GNAS: variants seen among roughly 807,000 people sequenced by gnomAD.
GNAS encodes GNAS complex locus, also known as protein ALEX.
GNAS carries 8 observed loss-of-function variants against 54.5 expected under a neutral mutation model. The ratio of observed to expected loss-of-function variants is 0.15; its 90% CI spans 0.09 to 0.26. The LOEUF (loss-of-function observed/expected upper bound fraction) is 0.26, where lower values mean the gene tolerates loss of function less well. Ranked by LOEUF, GNAS falls within the 10% of genes least tolerant of loss-of-function variation. The probability of loss-of-function intolerance (pLI) is 1.00; values close to 1 mark genes in which losing one functional copy is unlikely to be tolerated. For missense variants in GNAS, 170 were observed against 529.8 expected (o/e 0.32, Z 6.67); for synonymous variants, 204 against 191.4 (o/e 1.07, Z -0.54).
chr20:58,861,350 G>A (rs2086773231), intron 1 of GNAS, among the ~76,000 whole-genome samples: 1 of 152,180 alleles, frequency 6.6e-6, no homozygotes, highest in Non-Finnish European at 1.5e-5. Flanking sequence ...CAAGTCAACG[G>A]AGGGAACTAA....
At chr20:58,869,050 G>C (rs571906620) in intron 1 of GNAS, among the ~76,000 whole-genome samples, 5 of 152,272 alleles carry the variant, frequency 3.3e-5, no homozygotes, top group African/African-American at 1.2e-4. Context: ...GGTTTCAGTT[G>C]AGCAATTGAC....
intron 1 of GNAS, among the ~76,000 whole-genome samples, chr20:58,872,030 A>G (rs937497737): frequency 2.0e-5 from 3 of 152,110 alleles, no homozygotes; most frequent in African/African-American, 7.2e-5. Context: ...TCTCCTCCCC[A>G]TCTCACTGCC....
At chr20:58,854,426 A>T in intron 1 of GNAS, 2 of 1,571,156 alleles carry the variant, frequency 1.3e-6, no homozygotes, top group Admixed American at 1.9e-5. Context: ...GGGCAGCCTC[A>T]GCGGATACCG....
intron 6 of GNAS, among the ~76,000 whole-genome samples, chr20:58,907,101 T>C (rs1166557288): frequency 2.0e-5 from 3 of 152,296 alleles, no homozygotes; most frequent in Admixed American, 1.3e-4. Flanking sequence ...GAACTGATTG[T>C]GAAAACCACC....
upstream of GNAS, among the ~76,000 whole-genome samples, chr20:58,891,014 G>C (rs2089185590): frequency 6.6e-6 from 1 of 151,350 alleles, no homozygotes; most frequent in African/African-American, 2.4e-5. Flanking sequence ...GGCCTCGGGG[G>C]CGCCGGGCGA....
rs183205995 is a variant in GNAS, at chr20:58,868,483, A to T, written c.44-27129A>T. Among the ~76,000 whole-genome samples the T allele has an allele frequency of 4.2e-4, 63 of 150,836 alleles. No individual in the cohort carries two copies. In the East Asian group the frequency reaches 8.4e-3, roughly 20 times the overall value. On this transcript the variant is annotated intron_variant, in intron 1 of 12. Transcript: ENST00000306090. ...TTTTTTTTCTGGCCCTGCAATCTTGATTCCCCAGAGTTAGGGTCTGATTTC... is the reference window on the plus strand; with the variant it reads ...TTTTTTTTCTGGCCCTGCAATCTTGTTTCCCCAGAGTTAGGGTCTGATTTC...
In GNAS at chr20:58,891,625, GC is replaced by G; in HGVS notation, c.-99del. The G allele has an allele frequency of 2.1e-6, 2 of 965,454 alleles. No homozygotes were observed. The highest frequency in any genetic ancestry group is 2.4e-6 in the Non-Finnish European group (2 of 820,220). 59.8% of individuals were successfully genotyped at this position (965,454 alleles called of 1,614,324 possible). ...TGCCGAGGAGCCGAGCCCGCGCCCG[GC>G]CCGCCCGCCCGGCGCTGCCCCGGCC... is the stretch of plus-strand genomic sequence containing the variant. On this transcript the variant is annotated 5_prime_UTR_variant, in exon 1 of 13. Coordinates refer to ENST00000371085, the MANE Select transcript of GNAS (RefSeq NM_000516.7).
intron 3 of GNAS, chr20:58,899,427 C>G: frequency 1.9e-6 from 1 of 519,934 alleles, no homozygotes; most frequent in Non-Finnish European, 3.7e-6. Context: ...TTAAAATATG[C>G]AATGCTGCAC....
intron 2 of GNAS, among the ~76,000 whole-genome samples, chr20:58,896,415 G>C (rs1034974456): frequency 7.9e-5 from 12 of 152,036 alleles, no homozygotes; most frequent in Non-Finnish European, 1.3e-4. Flanking sequence ...GTCCTCCCAG[G>C]TATCCTGGTA....
At position 58,910,842 on chromosome 20, in the gene GNAS, C is replaced by A; in HGVS notation, c.*13C>A. On this transcript the variant is annotated 3_prime_UTR_variant, in exon 13 of 13. Transcript: ENST00000371085. This position sits in a 1 kb window ranked among gnomAD's most constrained non-coding sequence, Gnocchi z 5.8. The stretch of plus-strand genomic sequence containing the variant: ...CGAGCTGCTCTAAGAAGGGAACCCC[C>A]AAATTTAATTAAAGCCTTAAGCACA... 2.5e-6 allele frequency: 4 copies of A among 1,612,198 alleles called. No homozygotes were observed. Among genetic ancestry groups the A allele is most frequent in the Non-Finnish European group, 3.4e-6 (4 of 1,178,246 alleles).
upstream of GNAS, among the ~76,000 whole-genome samples, chr20:58,886,642 C>T (rs1266636066): frequency 6.6e-6 from 1 of 151,028 alleles, no homozygotes; most frequent in Non-Finnish European, 1.5e-5. Flanking sequence ...ATGGTAGCCT[C>T]CAAAACTAAA....
intron 1 of GNAS, among the ~76,000 whole-genome samples, chr20:58,851,583 C>T (rs2086177400): frequency 6.6e-6 from 1 of 152,186 alleles, no homozygotes; most frequent in Non-Finnish European, 1.5e-5. Context: ...GGTTCCAATC[C>T]CTCTGCAGAC....
At chr20:58,870,152 T>C (rs1225162787) in intron 1 of GNAS, among the ~76,000 whole-genome samples, 1 of 152,230 alleles carries the variant, frequency 6.6e-6, no homozygotes, top group Non-Finnish European at 1.5e-5. Context: ...CTCCCCTCTC[T>C]CTTAAGATTG....
chr20:58,880,191 A>T (rs76628451), intron 1 of GNAS, among the ~76,000 whole-genome samples: 2,328 of 152,284 alleles, frequency 0.015, 26 homozygotes, highest in Middle Eastern at 0.031. Context: ...TCCTTGGCAC[A>T]TCTCCCTTTG....
chr20:58,911,021 C>A lies in GNAS; in HGVS notation c.*192C>A, dbSNP rs775411134. 1 of 700,022 alleles carries A rather than the reference C, an allele frequency of 1.4e-6. No homozygotes were observed. Among genetic ancestry groups the A allele is most frequent in the South Asian group, 1.5e-5 (1 of 66,662 alleles). The allele number at this position is 700,022 out of a possible 1,614,324, so 43.4% of individuals were successfully genotyped here. A position where few individuals can be genotyped will look rare whatever the true frequency, so the allele number is the denominator to read the frequency against. ...TGTTCCAAATTTAGAAAGCTTAAGG[C>A]GGCCTACAGAAAAAGGAAAAAAGGC... On this transcript the variant is annotated 3_prime_UTR_variant, in exon 13 of 13. Coordinates refer to ENST00000371085, the MANE Select transcript of GNAS (RefSeq NM_000516.7).
At chr20:58,871,155 G>C (rs377335863) in intron 1 of GNAS, among the ~76,000 whole-genome samples, 1 of 152,170 alleles carries the variant, frequency 6.6e-6, no homozygotes. Context: ...AAGAATTGAG[G>C]TTCCCTCCCT....
chr20:58,843,318 CG>C (rs541884545), intron 1 of GNAS: 17 of 152,116 alleles, frequency 1.1e-4, no homozygotes, highest in Admixed American at 1.1e-3. Flanking sequence ...TACCAACCCC[CG>C]AGGAAAGCAC....
At chr20:58,881,044 T>C (rs2088192614) in intron 1 of GNAS, among the ~76,000 whole-genome samples, 1 of 152,208 alleles carries the variant, frequency 6.6e-6, no homozygotes. Context: ...CCAGTCAACA[T>C]TTTGGTTTTA....
intron 1 of GNAS, among the ~76,000 whole-genome samples, chr20:58,874,231 A>T (rs928822160): frequency 1.3e-5 from 2 of 152,236 alleles, no homozygotes; most frequent in African/African-American, 4.8e-5. Context: ...GTTACTGGCC[A>T]TGCTGAGGAG....
Sources: allele counts gnomAD v4.1 joint callset (sites outside exome capture counted in the v4.1 genomes callset), GRCh38; gene constraint gnomAD v4.1.1; non-coding constraint Gnocchi (gnomAD v3.1); transcripts MANE v1.5; gene names NCBI Gene and HGNC (gene_info 2026-07-23, HGNC 2026-07-21).